The following GLIS3 variants were observed in gnomAD, a reference collection of about 807,000 sequenced individuals.
GLIS3 encodes GLIS family zinc finger 3.
GLIS3 carries 53 observed loss-of-function variants against 78.6 expected under a neutral mutation model. That is an observed-to-expected ratio of 0.67 (90% CI 0.54 to 0.85). GLIS3 has a LOEUF of 0.85. GLIS3 is among the 40% of genes least tolerant of loss of function. The probability of loss-of-function intolerance (pLI) is 0.00; values close to 1 mark genes in which losing one functional copy is unlikely to be tolerated. For missense variants in GLIS3, 1,703 were observed against 1,231.1 expected, an observed-to-expected ratio of 1.38 and a Z score of -5.74; for synonymous variants, 684 against 509.9, an observed-to-expected ratio of 1.34 and a Z score of -4.60.
At chr9:4,233,749 TCTC>T (rs1176107900) in intron 2 of GLIS3, among the ~76,000 whole-genome samples, 2 of 152,212 alleles carry the variant, frequency 1.3e-5, no homozygotes, top group Admixed American at 6.5e-5. Context: ...GGCATTGACT[TCTC>T]CTCTGTAGCT....
intron 4 of GLIS3, among the ~76,000 whole-genome samples, chr9:3,970,389 A>C (rs1373926071): frequency 1.3e-5 from 2 of 152,248 alleles, no homozygotes; most frequent in African/African-American, 4.8e-5. Context: ...GACTCTTGAT[A>C]ATTCATGGAA....
At chr9:3,908,702 A>ATTTTTTT (rs1223677932) in intron 6 of GLIS3, among the ~76,000 whole-genome samples, 1 of 29,084 alleles carries the variant, frequency 3.4e-5, no homozygotes, top group Non-Finnish European at 6.5e-5. Flanking sequence ...TGTGATTTGT[A>ATTTTTTT]TTTGTTTTTT....
chr9:3,941,858 T>A (rs1815947984), intron 4 of GLIS3, among the ~76,000 whole-genome samples: 1 of 152,224 alleles, frequency 6.6e-6, no homozygotes, highest in South Asian at 2.1e-4. Context: ...TTAGATTATT[T>A]TATATTTAAA....
the GLIS3 span, among the ~76,000 whole-genome samples, chr9:4,393,081 A>G: frequency 6.6e-6 from 1 of 152,214 alleles, no homozygotes; most frequent in African/African-American, 2.4e-5. Flanking sequence ...ATTGTAATCA[A>G]TGGCAGTCTT....
At chr9:4,153,784 T>A (rs75295775) in intron 2 of GLIS3, among the ~76,000 whole-genome samples, 1,702 of 152,338 alleles carry the variant, frequency 0.011, 31 homozygotes, top group African/African-American at 0.039. Context: ...ACATGACTTG[T>A]ATACATGTTC....
chr9:4,138,368 G>C (rs553180354), intron 2 of GLIS3, among the ~76,000 whole-genome samples: 169 of 152,282 alleles, frequency 1.1e-3, no homozygotes, highest in Non-Finnish European at 2.1e-3. Context: ...ATTGGAGAGA[G>C]TGTTAACTAA....
At chr9:3,899,045 T>C (rs1297383008) in intron 6 of GLIS3, 2 of 632,496 alleles carry the variant, frequency 3.2e-6, no homozygotes, top group Admixed American at 2.6e-5. Flanking sequence ...TGGAAAAATG[T>C]GGCTAGAGGC....
At chr9:4,012,357 A>G (rs1822083010) in intron 4 of GLIS3, among the ~76,000 whole-genome samples, 1 of 152,188 alleles carries the variant, frequency 6.6e-6, no homozygotes, top group African/African-American at 2.4e-5. Flanking sequence ...ATTTTGAAGA[A>G]CCAATATAGA....
chr9:4,427,846 A>C, the GLIS3 span, among the ~76,000 whole-genome samples: 1 of 151,850 alleles, frequency 6.6e-6, no homozygotes, highest in Non-Finnish European at 1.5e-5. Flanking sequence ...GTGATGGAGC[A>C]AGACTCCATT....
intron 2 of GLIS3, among the ~76,000 whole-genome samples, chr9:4,148,168 C>G (rs545286650): frequency 6.6e-6 from 1 of 152,062 alleles, no homozygotes; most frequent in Non-Finnish European, 1.5e-5. Flanking sequence ...CTTAATCCCT[C>G]CCCCCTTTTT....
intron 2 of GLIS3, among the ~76,000 whole-genome samples, chr9:4,279,055 A>C (rs1156596063): frequency 6.6e-6 from 1 of 152,126 alleles, no homozygotes; most frequent in African/African-American, 2.4e-5. Context: ...TAATCCCAGC[A>C]CTTTGGGAGG....
chr9:4,076,768 A>AT (rs35462446), intron 4 of GLIS3, among the ~76,000 whole-genome samples: 1 of 152,124 alleles, frequency 6.6e-6, no homozygotes, highest in African/African-American at 2.4e-5. Flanking sequence ...ATAATGTTAA[A>AT]TTTTTTGGCT....
At chr9:3,845,723 G>A (rs897794077) in intron 9 of GLIS3, among the ~76,000 whole-genome samples, 5 of 152,140 alleles carry the variant, frequency 3.3e-5, no homozygotes, top group African/African-American at 9.6e-5. Flanking sequence ...ACATACACAC[G>A]TGCATGCCCA....
At chr9:4,106,883 G>A (rs1335147684) in intron 4 of GLIS3, among the ~76,000 whole-genome samples, 2 of 152,076 alleles carry the variant, frequency 1.3e-5, no homozygotes, top group South Asian at 2.1e-4. Context: ...GAAAGATGAC[G>A]AGCAGCGGGG....
At chr9:4,017,816 T>C (rs1282523262) in intron 4 of GLIS3, among the ~76,000 whole-genome samples, 1 of 152,202 alleles carries the variant, frequency 6.6e-6, no homozygotes, top group Non-Finnish European at 1.5e-5. Context: ...GCACTAAGTC[T>C]CTGATGAAAA....
At chr9:4,404,354 C>T in the GLIS3 span, among the ~76,000 whole-genome samples, 7 of 152,094 alleles carry the variant, frequency 4.6e-5, no homozygotes, top group East Asian at 9.6e-4. Flanking sequence ...ACTAAATCTG[C>T]GCTATGGAAC....
chr9:4,387,380 C>G, the GLIS3 span, among the ~76,000 whole-genome samples: 1 of 152,132 alleles, frequency 6.6e-6, no homozygotes, highest in Non-Finnish European at 1.5e-5. Context: ...GTGCCACTCT[C>G]AGTTACCATC....
the GLIS3 span, among the ~76,000 whole-genome samples, chr9:4,367,476 C>G: frequency 6.6e-6 from 1 of 151,866 alleles, no homozygotes; most frequent in East Asian, 1.9e-4. Context: ...ATTTCCTTAG[C>G]TAACCACTCA....
intron 6 of GLIS3, 77 bp from the exon 7 acceptor site, chr9:3,898,912 C>T: frequency 3.1e-6 from 5 of 1,596,846 alleles, no homozygotes; most frequent in Non-Finnish European, 4.3e-6. Context: ...GCATCATGCT[C>T]TATCAGTGCA....
Sources: allele counts gnomAD v4.1 joint callset (sites outside exome capture counted in the v4.1 genomes callset), GRCh38; gene constraint gnomAD v4.1.1; transcripts MANE v1.5; gene names NCBI Gene and HGNC (gene_info 2026-07-23, HGNC 2026-07-21).